Variants in SLC30A6 observed in about 807,000 individuals in gnomAD.
SLC30A6 encodes zinc transporter 6.
A neutral mutation model predicts 63.0 loss-of-function variants in SLC30A6; 55 were observed. The observed-to-expected ratio is 0.87, with a 90% CI of 0.70 to 1.09. The LOEUF is 1.09. Among genes scored for constraint, SLC30A6 ranks in the 50% least tolerant of loss-of-function variants. The pLI is 0.00. For synonymous variants in SLC30A6, 224 were observed against 186.1 expected, an observed-to-expected ratio of 1.20 and a Z score of -1.66; for missense variants, 587 against 549.2, an observed-to-expected ratio of 1.07 and a Z score of -0.69.
chr2:32,206,382 CT>C (rs1336854917), intron 11 of SLC30A6, among the ~76,000 whole-genome samples: 1 of 151,550 alleles, frequency 6.6e-6, no homozygotes, highest in Non-Finnish European at 1.5e-5. Context: ...GGAGGCGGAG[CT>C]TGCAGTGAGC....
At chr2:32,197,951 A>T in intron 10 of SLC30A6, 125 bp downstream of exon 10, 1 of 1,148,550 alleles carries the variant, frequency 8.7e-7, no homozygotes, top group Non-Finnish European at 1.2e-6. Context: ...AACTTAGATC[A>T]CATCTTTTCC....
At chr2:32,179,996 G>A (rs1682141659) in intron 4 of SLC30A6, among the ~76,000 whole-genome samples, 1 of 152,092 alleles carries the variant, frequency 6.6e-6, no homozygotes, top group Non-Finnish European at 1.5e-5. Context: ...GGTGTCTCAT[G>A]CCTGTAATCC....
Position 32,183,308 on chromosome 2 carries a change from G to A in SLC30A6, c.219-965G>A, listed in dbSNP as rs576503392. On this transcript the variant is annotated intron_variant, in intron 4 of 13. Coordinates refer to ENST00000282587, the MANE Select transcript of SLC30A6 (RefSeq NM_017964.5). ...ACAGACTCTTGTCTCCCTGCTTCATGGAGCCTTTCATATTTCCATTTAAGG... is the reference window on the plus strand; with the variant it reads ...ACAGACTCTTGTCTCCCTGCTTCATAGAGCCTTTCATATTTCCATTTAAGG... 7.2e-5 allele frequency among the ~76,000 whole-genome samples: 11 copies of A among 152,270 alleles called. No individual in the cohort carries two copies. The South Asian group carries it at 2.3e-3, about 32-fold the overall frequency.
At chr2:32,202,687 T>G in intron 10 of SLC30A6, 5 of 659,222 alleles carry the variant, frequency 7.6e-6, no homozygotes, top group Non-Finnish European at 1.4e-5. Context: ...GATCAAATGT[T>G]AGAGTTAGGT....
chr2:32,197,383 T>G lies in SLC30A6; in HGVS notation c.536T>G (p.Leu179Arg). The G allele has an allele frequency of 6.2e-7, 1 of 1,613,602 alleles. No individual in the cohort carries two copies. The highest frequency in any genetic ancestry group is 8.5e-7 in the Non-Finnish European group (1 of 1,179,630). The change falls in exon 9 of 14, where the codon CTT (leucine) becomes CGT (arginine). Residue 179 changes from leucine to arginine, a missense_variant. Leu to Arg is a moderately radical substitution (Grantham distance 102). Coordinates refer to ENST00000282587, the MANE Select transcript of SLC30A6 (RefSeq NM_017964.5). Reference protein sequence around the residue: ...TSWLQEHVADLSRSLCGIIPG... With the variant: ...TSWLQEHVADRSRSLCGIIPG... ...TGGCTTCAAGAGCATGTTGCAGATC[T>G]TAGTCGAAGGTAAGATGTTATGGAG... is the stretch of plus-strand genomic sequence containing the variant.
intron 5 of SLC30A6, among the ~76,000 whole-genome samples, chr2:32,185,192 G>A (rs773450280): frequency 1.6e-4 from 24 of 152,022 alleles, no homozygotes; most frequent in African/African-American, 2.2e-4. Context: ...GAGATCTGTC[G>A]CTGCAAAAAA....
chr2:32,209,705 CA>C (rs1438240911), intron 13 of SLC30A6, 144 bp downstream of exon 13: 6 of 680,408 alleles, frequency 8.8e-6, no homozygotes, highest in Non-Finnish European at 1.4e-5. Context: ...TACATGAATT[CA>C]ATTACCTAAT....
intron 13 of SLC30A6, among the ~76,000 whole-genome samples, chr2:32,215,376 G>A (rs1685606205): frequency 6.6e-6 from 1 of 151,486 alleles, no homozygotes; most frequent in Admixed American, 6.6e-5. Flanking sequence ...TGTATTTTTT[G>A]TAGAGATGGG....
intron 12 of SLC30A6, among the ~76,000 whole-genome samples, chr2:32,208,678 ATTG>A (rs70938332): frequency 0.5 from 75,087 of 150,458 alleles, 18,864 homozygotes; most frequent in African/African-American, 0.51. Context: ...CCACCGGCTA[ATTG>A]TTGTACTTTT....
chr2:32,167,288 T>C (rs1030427478), intron 1 of SLC30A6, among the ~76,000 whole-genome samples: 4 of 152,060 alleles, frequency 2.6e-5, no homozygotes, highest in African/African-American at 9.7e-5. Context: ...TTGGTCAGGC[T>C]GATCGCGAAC....
chr2:32,208,452 T>C lies in SLC30A6; in HGVS notation c.817-1041T>C, dbSNP rs148905980. Reference sequence around the variant, plus strand: ...AGCCTTTTGTTGTTTTTTTAAAATATATATATAAAAAGAGATGGGGTCTTG... The same window carrying C: ...AGCCTTTTGTTGTTTTTTTAAAATACATATATAAAAAGAGATGGGGTCTTG... On this transcript the variant is annotated intron_variant, in intron 12 of 13. Transcript: ENST00000282587. 1.2e-3 allele frequency among the ~76,000 whole-genome samples: 179 copies of C among 151,132 alleles called. 4 individuals carry two copies. Among genetic ancestry groups the C allele is most frequent in the Admixed American group, 0.012 (178 of 15,148 alleles).
At chr2:32,206,452 A>G (rs1236916308) in intron 11 of SLC30A6, among the ~76,000 whole-genome samples, 1 of 142,152 alleles carries the variant, frequency 7.0e-6, no homozygotes, top group African/African-American at 2.6e-5. Context: ...AAAAAAAAAA[A>G]GGCAGTTTCC....
At chr2:32,216,261 C>T (rs1335027119) in intron 13 of SLC30A6, among the ~76,000 whole-genome samples, 3 of 152,194 alleles carry the variant, frequency 2.0e-5, no homozygotes, top group East Asian at 1.9e-4. Flanking sequence ...TCTGGCTGGG[C>T]GCGGTGGCTC....
intron 12 of SLC30A6, among the ~76,000 whole-genome samples, chr2:32,208,724 G>A (rs1274624429): frequency 6.6e-6 from 1 of 151,768 alleles, no homozygotes; most frequent in Non-Finnish European, 1.5e-5. Context: ...ATGTTGGCCT[G>A]GCTGGACTCG....
At chr2:32,165,970 G>T in intron 1 of SLC30A6, 67 bp downstream of exon 1, 1 of 1,612,348 alleles carries the variant, frequency 6.2e-7, no homozygotes, top group Non-Finnish European at 8.5e-7. Context: ...TGGTCCCGAA[G>T]CGACCTTGAA....
intron 13 of SLC30A6, among the ~76,000 whole-genome samples, chr2:32,214,260 T>C (rs1383573883): frequency 6.6e-6 from 1 of 152,132 alleles, no homozygotes. Context: ...TATGGGATAA[T>C]CTTTGTAAAT....
intron 2 of SLC30A6, among the ~76,000 whole-genome samples, chr2:32,172,798 C>T (rs914101054): frequency 1.3e-5 from 2 of 152,214 alleles, no homozygotes; most frequent in South Asian, 4.1e-4. Context: ...ATGGCTGTTT[C>T]ATACGATGTT....
At position 32,204,698 on chromosome 2, in the gene SLC30A6, G is replaced by T; in HGVS notation, c.768+6G>T. Reference sequence around the variant, plus strand: ...GTGGGAAAGTCTTACTCCAGGTAAGGTGCTTCTTCCAATGCACGTGCTTAA... The same window carrying T: ...GTGGGAAAGTCTTACTCCAGGTAAGTTGCTTCTTCCAATGCACGTGCTTAA... On this transcript the variant is annotated splice_donor_region_variant and intron_variant, in intron 11 of 13. Coordinates refer to ENST00000282587, the MANE Select transcript of SLC30A6 (RefSeq NM_017964.5). 1 of 1,578,920 alleles carries T rather than the reference G, an allele frequency of 6.3e-7. No individual in the cohort carries two copies. The highest frequency in any genetic ancestry group is 8.7e-7 in the Non-Finnish European group (1 of 1,154,504).
chr2:32,198,658 A>G (rs1684006251), intron 10 of SLC30A6, among the ~76,000 whole-genome samples: 1 of 152,168 alleles, frequency 6.6e-6, no homozygotes, highest in African/African-American at 2.4e-5. Flanking sequence ...ATCTCAGCTC[A>G]CTGCAACCTC....
Sources: allele counts gnomAD v4.1 joint callset (sites outside exome capture counted in the v4.1 genomes callset), GRCh38; gene constraint gnomAD v4.1.1; transcripts MANE v1.5; gene names NCBI Gene and HGNC (gene_info 2026-07-23, HGNC 2026-07-21).